WNT3A: variants seen among roughly 807,000 people sequenced by gnomAD.
The protein encoded by WNT3A is protein Wnt-3a.
WNT3A carries 17 observed loss-of-function variants against 37.0 expected under a neutral mutation model. The observed-to-expected ratio is 0.46, with a 90% CI of 0.31 to 0.69. The LOEUF (loss-of-function observed/expected upper bound fraction) is 0.69, where lower values mean the gene tolerates loss of function less well. WNT3A is among the 30% of genes least tolerant of loss of function. The probability of loss-of-function intolerance (pLI) is 0.05; values close to 1 mark genes in which losing one functional copy is unlikely to be tolerated. For synonymous variants in WNT3A, 187 were observed against 211.0 expected, an observed-to-expected ratio of 0.89 and a Z score of 0.99; for missense variants, 411 against 510.2, an observed-to-expected ratio of 0.81 and a Z score of 1.87.
At chr1:228,048,228 C>G (rs1314194552) in intron 2 of WNT3A, among the ~76,000 whole-genome samples, 1 of 152,198 alleles carries the variant, frequency 6.6e-6, no homozygotes, top group African/African-American at 2.4e-5. Flanking sequence ...CATCGGAGCT[C>G]CCTTCTCCCT....
rs1017257769 is a variant in WNT3A at position 228,031,124 on chromosome 1, G to A, written c.313+8216G>A. On this transcript the variant is annotated intron_variant, in intron 2 of 3. Transcript: ENST00000284523. The surrounding 1 kb of genome is among the most constrained non-coding windows in gnomAD (Gnocchi z 4.8). Reference sequence around the variant, plus strand: ...CATCACGGGCCTGTGTTCTTCAGGCGTGGGGAAGGCACCGTGGGGCAGAGA... The same window carrying A: ...CATCACGGGCCTGTGTTCTTCAGGCATGGGGAAGGCACCGTGGGGCAGAGA... Among the ~76,000 whole-genome samples the A allele has an allele frequency of 6.6e-5, 10 of 152,246 alleles. No individual in the cohort carries two copies. The highest frequency in any genetic ancestry group is 1.7e-4 in the African/African-American group (7 of 41,470).
At chr1:228,035,555 C>A (rs2031116334) in intron 2 of WNT3A, among the ~76,000 whole-genome samples, 1 of 152,196 alleles carries the variant, frequency 6.6e-6, no homozygotes, top group Non-Finnish European at 1.5e-5. Flanking sequence ...CAGAGGATAC[C>A]CGGTCCCCAT....
rs771226844 is a variant in WNT3A at position 228,060,211 on chromosome 1, C to CT, written c.*747dup. On this transcript the variant is annotated 3_prime_UTR_variant, in exon 4 of 4. Coordinates refer to ENST00000284523, the MANE Select transcript of WNT3A (RefSeq NM_033131.4). Reference sequence around the variant, plus strand: ...GGCGTGGCTTCTGCAGGAATCCCGGCTCCAGAGCAGGAAATTCAGCCCACC... The same window carrying CT: ...GGCGTGGCTTCTGCAGGAATCCCGGCTTCCAGAGCAGGAAATTCAGCCCACC... The CT allele has an allele frequency of 2.2e-6, 3 of 1,351,690 alleles. No homozygotes were observed. In the African/African-American group the frequency reaches 4.4e-5, roughly 20 times the overall value. The allele number at this position is 1,351,690 out of a possible 1,614,324, so 83.7% of individuals were successfully genotyped here. A position where few individuals can be genotyped will look rare whatever the true frequency, so the allele number is the denominator to read the frequency against.
At chr1:228,045,720 G>A (rs762974256) in intron 2 of WNT3A, among the ~76,000 whole-genome samples, 3 of 152,186 alleles carry the variant, frequency 2.0e-5, no homozygotes, top group Non-Finnish European at 4.4e-5. Context: ...GGAGAGGTGC[G>A]GAGGAGGTGG....
intron 3 of WNT3A, 149 bp from the exon 4 acceptor site, chr1:228,058,837 G>A: frequency 1.3e-6 from 1 of 764,642 alleles, no homozygotes; most frequent in Non-Finnish European, 2.1e-6. Context: ...CATAGGAAGG[G>A]GGTGGCCCTG....
chr1:228,055,327 C>T (rs2102782641), intron 3 of WNT3A, among the ~76,000 whole-genome samples: 1 of 147,994 alleles, frequency 6.8e-6, no homozygotes, highest in Non-Finnish European at 1.5e-5. Context: ...CGTCTGCACT[C>T]TCCTGGAACC....
Position 228,022,914 on chromosome 1 carries a change from G to C in WNT3A, c.313+6G>C. On this transcript the variant is annotated splice_donor_region_variant and intron_variant, in intron 2 of 3. Transcript: ENST00000284523. ...CGGGCCCGTGCTGGACAAAGGTATG[G>C]GGGTGGTCTGGGGGAGGGCAGATGA... 1 of 1,596,212 alleles carries C rather than the reference G, an allele frequency of 6.3e-7. No homozygotes were observed. The highest frequency in any genetic ancestry group is 8.6e-7 in the Non-Finnish European group (1 of 1,167,918).
chr1:228,022,160 T>C (rs1558286208), intron 1 of WNT3A, among the ~76,000 whole-genome samples: 2 of 152,232 alleles, frequency 1.3e-5, no homozygotes, highest in African/African-American at 2.4e-5. Context: ...ACTTCCTGTA[T>C]AACATACAGG....
intron 1 of WNT3A, among the ~76,000 whole-genome samples, chr1:228,021,841 G>A (rs892722327): frequency 4.6e-5 from 7 of 152,174 alleles, no homozygotes; most frequent in African/African-American, 1.2e-4. Flanking sequence ...CACCTGACCC[G>A]GTCCCCAGCC....
At position 228,039,613 on chromosome 1, in the gene WNT3A, T is replaced by G. The variant is rs1386654748; in HGVS notation, c.314-11043T>G. Among the ~76,000 whole-genome samples, 1 of 152,190 alleles carries G rather than the reference T, an allele frequency of 6.6e-6. No individual in the cohort carries two copies. Among genetic ancestry groups the G allele is most frequent in the Non-Finnish European group, 1.5e-5 (1 of 68,024 alleles). ...GGTCAGCACGGAATGGAATCTGAGC[T>G]TGGGAGATCTCATCTCAGTTGATGC... On this transcript the variant is annotated intron_variant, in intron 2 of 3. Coordinates refer to ENST00000284523, the MANE Select transcript of WNT3A (RefSeq NM_033131.4). The surrounding 1 kb of genome is among the most constrained non-coding windows in gnomAD (Gnocchi z 4.1).
chr1:228,059,926 C>T lies in WNT3A; in HGVS notation c.*461C>T. 1.9e-6 allele frequency: 2 copies of T among 1,058,200 alleles called. No homozygotes were observed. The highest frequency in any genetic ancestry group is 1.7e-5 in the African/African-American group (1 of 58,560). 65.6% of individuals were successfully genotyped at this position (1,058,200 alleles called of 1,614,324 possible). Reference sequence around the variant, plus strand: ...GGAGGCGGGGCTCTAGGATGGGGCACGGCTCTGGGGTAGGCTGCTCCCTGA... The same window carrying T: ...GGAGGCGGGGCTCTAGGATGGGGCATGGCTCTGGGGTAGGCTGCTCCCTGA... On this transcript the variant is annotated 3_prime_UTR_variant, in exon 4 of 4. Transcript: ENST00000284523.
Position 228,059,837 on chromosome 1 carries a change from G to A in WNT3A, c.*372G>A, listed in dbSNP as rs2031763207. The A allele has an allele frequency of 3.7e-6, 4 of 1,084,042 alleles. No homozygotes were observed. The highest frequency in any genetic ancestry group is 4.5e-6 in the Non-Finnish European group (4 of 891,892). 67.2% of individuals were successfully genotyped at this position (1,084,042 alleles called of 1,614,324 possible). On this transcript the variant is annotated 3_prime_UTR_variant, in exon 4 of 4. Transcript: ENST00000284523. ...CGGGGGCGAGGCCCCTCCCAGTAAGGGCGTGGCTCTGGGTGGGCGGGGCAC... is the reference window on the plus strand; with the variant it reads ...CGGGGGCGAGGCCCCTCCCAGTAAGAGCGTGGCTCTGGGTGGGCGGGGCAC...
chr1:228,034,242 A>G (rs535872030), intron 2 of WNT3A, among the ~76,000 whole-genome samples: 7 of 152,292 alleles, frequency 4.6e-5, no homozygotes, highest in East Asian at 1.9e-4. Context: ...AGCCTGGGCA[A>G]CAGAGTGAGA....
intron 2 of WNT3A, among the ~76,000 whole-genome samples, chr1:228,043,050 T>C (rs1315392637): frequency 6.6e-6 from 1 of 150,432 alleles, no homozygotes; most frequent in Non-Finnish European, 1.5e-5. Context: ...TGATGCACGA[T>C]AGATGAATGG....
intron 2 of WNT3A, among the ~76,000 whole-genome samples, chr1:228,023,436 G>T (rs546344255): frequency 6.6e-6 from 1 of 151,928 alleles, no homozygotes; most frequent in South Asian, 2.1e-4. Context: ...CACACACACA[G>T]AGAGACAAAG....
intron 2 of WNT3A, 139 bp downstream of exon 2, chr1:228,023,047 C>A: frequency 7.4e-7 from 1 of 1,357,382 alleles, no homozygotes. Context: ...CCGCTTACCT[C>A]CAGGAGGACG....
At chr1:228,024,324 C>A (rs925942545) in intron 2 of WNT3A, among the ~76,000 whole-genome samples, 1 of 152,206 alleles carries the variant, frequency 6.6e-6, no homozygotes, top group Non-Finnish European at 1.5e-5. Context: ...CACTGATACA[C>A]TGTTTTCTGG....
intron 1 of WNT3A, among the ~76,000 whole-genome samples, chr1:228,014,322 G>T (rs1320586980): frequency 2.0e-5 from 3 of 152,216 alleles, no homozygotes; most frequent in Non-Finnish European, 4.4e-5. Flanking sequence ...GAGTAACAGG[G>T]CCCGAGTTGG....
rs377685047 is a variant in WNT3A at position 228,050,852 on chromosome 1, C to T, written c.510C>T (p.Ala170=). Residue 170 remains alanine, a synonymous_variant, in exon 3 of 4, where the codon GCC becomes GCT. Transcript: ENST00000284523. The surrounding 1 kb of genome is among the most constrained non-coding windows in gnomAD (Gnocchi z 5.0). ...GTGGGATGGTGTCTCGGGAGTTCGCCGACGCCCGGGAGAACCGGCCAGATG... is the reference window on the plus strand; with the variant it reads ...GTGGGATGGTGTCTCGGGAGTTCGCTGACGCCCGGGAGAACCGGCCAGATG... ...EFGGMVSREF[A]DARENRPDAR... is the part of the protein sequence containing the mutation. The T allele has an allele frequency of 4.9e-5, 78 of 1,595,916 alleles. No individual in the cohort carries two copies. The highest frequency in any genetic ancestry group is 7.0e-5 in the Admixed American group (4 of 57,464).
Sources: allele counts gnomAD v4.1 joint callset (sites outside exome capture counted in the v4.1 genomes callset), GRCh38; gene constraint gnomAD v4.1.1; non-coding constraint Gnocchi (gnomAD v3.1); transcripts MANE v1.5; gene names NCBI Gene and HGNC (gene_info 2026-07-23, HGNC 2026-07-21).